The following SH3PXD2A variants were observed in gnomAD, a reference collection of about 807,000 sequenced individuals.
The protein encoded by SH3PXD2A is SH3 and PX domains 2A.
A neutral mutation model predicts 115.2 loss-of-function variants in SH3PXD2A; 32 were observed. The ratio of observed to expected loss-of-function variants is 0.28; its 90% CI spans 0.21 to 0.37. SH3PXD2A has a LOEUF of 0.37. Among genes scored for constraint, SH3PXD2A ranks in the 10% least tolerant of loss-of-function variants. SH3PXD2A has a pLI of 1.00. For synonymous variants in SH3PXD2A, 610 were observed against 629.1 expected (o/e 0.97, Z 0.45); for missense variants, 1,328 against 1,498.7 (o/e 0.89, Z 1.88).
intron 6 of SH3PXD2A, among the ~76,000 whole-genome samples, chr10:103,680,410 C>G (rs1205474224): frequency 6.6e-6 from 1 of 152,020 alleles, no homozygotes; most frequent in Non-Finnish European, 1.5e-5. Flanking sequence ...TCCCGAGTAG[C>G]TGAAACCACA....
At chr10:103,821,500 C>T (rs1242646790) in intron 1 of SH3PXD2A, among the ~76,000 whole-genome samples, 2 of 152,088 alleles carry the variant, frequency 1.3e-5, no homozygotes, top group Non-Finnish European at 2.9e-5. Context: ...GGCTTAATCC[C>T]CACCTTGACA....
chr10:103,771,769 A>T (rs7917271), intron 2 of SH3PXD2A, among the ~76,000 whole-genome samples: 31,222 of 151,374 alleles, frequency 0.21, 3,628 homozygotes, highest in African/African-American at 0.3. Context: ...ACACACACAC[A>T]CACACACACA....
At chr10:103,816,822 C>T (rs1204180342) in intron 1 of SH3PXD2A, among the ~76,000 whole-genome samples, 1 of 152,070 alleles carries the variant, frequency 6.6e-6, no homozygotes, top group Non-Finnish European at 1.5e-5. Context: ...TAAAATGTGA[C>T]TTATCTATAC....
At position 103,605,710 on chromosome 10, in the gene SH3PXD2A, A is replaced by G. The variant is rs184795018; in HGVS notation, c.1428+88T>C. On this transcript the variant is annotated intron_variant, in intron 14 of 14. Transcript: ENST00000369774. Reference sequence around the variant, plus strand: ...TTTCCTGCCTGCCTGCCCCTCAGGAATCTTACTAGCAAGGCCTAAAATGGG... The same window carrying G: ...TTTCCTGCCTGCCTGCCCCTCAGGAGTCTTACTAGCAAGGCCTAAAATGGG... 630 of 1,543,490 alleles carry G rather than the reference A, an allele frequency of 4.1e-4. 1 individual carries two copies. In the African/African-American group the frequency reaches 4.3e-3, roughly 10 times the overall value.
rs56095187 is a variant in SH3PXD2A, at chr10:103,746,598, T to C, written c.230-10790A>G. On this transcript the variant is annotated intron_variant, in intron 3 of 14. Coordinates refer to ENST00000369774, the MANE Select transcript of SH3PXD2A (RefSeq NM_001394015.1). This position sits in a 1 kb window ranked among gnomAD's most constrained non-coding sequence, Gnocchi z 4.4. ...TACTGGGATTACAGACGTGAGCCAC[T>C]GCGCCTGGCCTCAGAATAATATTCT... Among the ~76,000 whole-genome samples, 1 of 152,288 alleles carries C rather than the reference T, an allele frequency of 6.6e-6. No homozygotes were observed. The highest frequency in any genetic ancestry group is 1.5e-5 in the Non-Finnish European group (1 of 68,020).
In SH3PXD2A at chr10:103,672,210, G is replaced by A. The variant is rs1031685415; in HGVS notation, c.428-3558C>T. On this transcript the variant is annotated intron_variant, in intron 6 of 14. Transcript: ENST00000369774. ...TGAGGCATGAGAATCGCTTTAACCC[G>A]GGAGGCAGAAGGTGCAGTGAACCAA... Among the ~76,000 whole-genome samples the A allele has an allele frequency of 2.6e-5, 4 of 152,328 alleles. No homozygotes were observed. The East Asian group carries it at 7.7e-4, about 29-fold the overall frequency.
At chr10:103,724,447 G>A (rs939733209) in intron 4 of SH3PXD2A, 86 bp from the exon 5 acceptor site, 3 of 729,268 alleles carry the variant, frequency 4.1e-6, no homozygotes, top group African/African-American at 1.9e-5. Context: ...CACCAACAGT[G>A]ACAGAGAGGC....
chr10:103,615,836 C>T (rs545715713), intron 11 of SH3PXD2A, among the ~76,000 whole-genome samples: 22 of 152,230 alleles, frequency 1.4e-4, no homozygotes, highest in Non-Finnish European at 2.9e-4. Context: ...TGTTTCCTGG[C>T]TTTCCCATGT....
At position 103,735,749 on chromosome 10, in the gene SH3PXD2A, T is replaced by C. The variant is rs1277117176; in HGVS notation, c.289A>G (p.Ile97Val). The C allele has an allele frequency of 1.2e-6, 2 of 1,610,830 alleles. No individual in the cohort carries two copies. Among genetic ancestry groups the C allele is most frequent in the Non-Finnish European group, 8.5e-7 (1 of 1,177,818 alleles). ...ACTCTCACCCGGCAGTATTCATCGATGGGCTTCAGTCTCTTCACAGCTACG... is the reference window on the plus strand; with the variant it reads ...ACTCTCACCCGGCAGTATTCATCGACGGGCTTCAGTCTCTTCACAGCTACG... ...RDVAVKRLKP[I>V]DEYCRALVRL... Residue 97 changes from isoleucine (I) to valine (V), a missense_variant, in exon 4 of 15, where the codon ATC becomes GTC. By Grantham distance (29) the Ile-to-Val change is conservative. Around this residue, in one of 5 missense-constraint regions of SH3PXD2A, gnomAD observed 110 missense variants for 160.0 expected, o/e 0.69. Transcript: ENST00000369774.
intron 8 of SH3PXD2A, among the ~76,000 whole-genome samples, chr10:103,644,114 CAAAAAAAA>C (rs71019685): frequency 1.4e-5 from 1 of 72,270 alleles, no homozygotes; most frequent in Admixed American, 1.9e-4. Context: ...GGCTCCATCC[CAAAAAAAA>C]AAAAAAAAAA....
At chr10:103,735,891 C>A in intron 3 of SH3PXD2A, 83 bp from the exon 4 acceptor site, 1 of 1,086,758 alleles carries the variant, frequency 9.2e-7, no homozygotes, top group South Asian at 1.2e-5. Flanking sequence ...CTTGGCTTCT[C>A]AGCATCTTAG....
At chr10:103,826,494 G>A (rs1380699211) in intron 1 of SH3PXD2A, among the ~76,000 whole-genome samples, 2 of 152,178 alleles carry the variant, frequency 1.3e-5, no homozygotes, top group Non-Finnish European at 2.9e-5. Flanking sequence ...CTCCATCCCA[G>A]GCCTCCAGCA....
At chr10:103,611,374 T>C (rs569958065) in intron 13 of SH3PXD2A, among the ~76,000 whole-genome samples, 31 of 152,270 alleles carry the variant, frequency 2.0e-4, no homozygotes, top group Middle Eastern at 3.4e-3. Context: ...GTGTTTCCGA[T>C]TATAAACTGT....
At chr10:103,749,781 G>A (rs898028212) in intron 3 of SH3PXD2A, 1 of 152,192 alleles carries the variant, frequency 6.6e-6, no homozygotes, top group Non-Finnish European at 1.5e-5. Context: ...CTCTTTCCCA[G>A]ATACTCATGC....
intron 8 of SH3PXD2A, among the ~76,000 whole-genome samples, chr10:103,641,570 CAATGCCTGCTCTATTAGTGCCCCA>C (rs377709927): frequency 1.5e-3 from 224 of 152,304 alleles, no homozygotes; most frequent in African/African-American, 4.4e-3. Flanking sequence ...AGGAAACCAG[CAATGCCTGCTCTATTAGTGCCCCA>C]AATGCCTGCT....
rs774511484 is a variant in SH3PXD2A at position 103,602,164 on chromosome 10, A to G, written c.3054T>C (p.Phe1018=). 3 of 1,576,650 alleles carry G rather than the reference A, an allele frequency of 1.9e-6. No homozygotes were observed. The highest frequency in any genetic ancestry group is 1.2e-5 in the South Asian group (1 of 84,208). The change falls in exon 15 of 15, where the codon TTT becomes TTC. Residue 1018 remains phenylalanine (F), a synonymous_variant. Coordinates refer to ENST00000369774, the MANE Select transcript of SH3PXD2A (RefSeq NM_001394015.1). The part of the protein sequence containing the change: ...GLRGVRRNSS[F]STARSAAAEA... ...CGGCGGCAGCGGAGCGAGCAGTGCT[A>G]AAGGAGGAGTTCCGTCGGACGCCTC...
intron 1 of SH3PXD2A, among the ~76,000 whole-genome samples, chr10:103,819,945 A>G (rs770888277): frequency 1.5e-4 from 23 of 152,112 alleles, no homozygotes; most frequent in Non-Finnish European, 3.2e-4. Context: ...AGTGACTAGA[A>G]TAGATCTCAG....
At chr10:103,629,898 A>C (rs2133962795) in intron 8 of SH3PXD2A, among the ~76,000 whole-genome samples, 1 of 152,310 alleles carries the variant, frequency 6.6e-6, no homozygotes, top group South Asian at 2.1e-4. Flanking sequence ...GAGGAGCAGC[A>C]ATGGATGCAG....
intron 8 of SH3PXD2A, among the ~76,000 whole-genome samples, chr10:103,633,261 C>CA (rs2036809704): frequency 6.6e-6 from 1 of 151,810 alleles, no homozygotes; most frequent in African/African-American, 2.4e-5. Context: ...ACTAAAAATA[C>CA]AAAAATTAGC....
Sources: allele counts gnomAD v4.1 joint callset (sites outside exome capture counted in the v4.1 genomes callset), GRCh38; gene constraint gnomAD v4.1.1; regional missense constraint gnomAD v4.1.1; non-coding constraint Gnocchi (gnomAD v3.1); transcripts MANE v1.5; gene names NCBI Gene and HGNC (gene_info 2026-07-23, HGNC 2026-07-21).